The following PARN variants were observed in gnomAD, a reference collection of about 807,000 sequenced individuals.
PARN encodes poly(A)-specific ribonuclease.
A neutral mutation model predicts 102.8 loss-of-function variants in PARN; 71 were observed. The ratio of observed to expected loss-of-function variants is 0.69; its 90% CI spans 0.57 to 0.84. The LOEUF (loss-of-function observed/expected upper bound fraction) is 0.84, where lower values mean the gene tolerates loss of function less well. Among genes scored for constraint, PARN ranks in the 40% least tolerant of loss-of-function variants. The pLI, the probability that PARN is intolerant of heterozygous loss-of-function variation, is 0.00. For missense variants in PARN, 782 were observed against 760.9 expected, an observed-to-expected ratio of 1.03 and a Z score of -0.33; for synonymous variants, 261 against 252.9, an observed-to-expected ratio of 1.03 and a Z score of -0.30.
intron 21 of PARN, among the ~76,000 whole-genome samples, chr16:14,524,048 G>A (rs1173867243): frequency 2.6e-5 from 4 of 152,078 alleles, no homozygotes; most frequent in Admixed American, 1.3e-4. Flanking sequence ...GTAAAAATAT[G>A]GTATTACAAT....
chr16:14,626,973 C>G (rs949427768), intron 5 of PARN, 133 bp downstream of exon 5: 27 of 642,756 alleles, frequency 4.2e-5, no homozygotes, highest in Non-Finnish European at 6.9e-5. Context: ...ATTTATTACC[C>G]TAAAACTGAA....
In PARN at chr16:14,447,015, C is replaced by T. The variant is rs1961231832; in HGVS notation, c.1737G>A (p.Glu579=). ...CGGAAATCTCCCCTGACACTCCGTC[C>T]TCCAGGCCAGCTTCCTCTTGACTAG... ...LSPSQEEAGL[E]DGVSGEISDT... The change falls in exon 23 of 24, where the codon GAG becomes GAA. Residue 579 remains glutamate (E), a synonymous_variant. Coordinates refer to ENST00000437198, the MANE Select transcript of PARN (RefSeq NM_002582.4). The T allele has an allele frequency of 1.2e-6, 2 of 1,613,868 alleles. No individual in the cohort carries two copies. Among genetic ancestry groups the T allele is most frequent in the East Asian group, 2.2e-5 (1 of 44,884 alleles).
intron 21 of PARN, among the ~76,000 whole-genome samples, chr16:14,529,792 C>G (rs915521330): frequency 2.0e-5 from 3 of 152,146 alleles, no homozygotes. Flanking sequence ...GCATCCCCTT[C>G]CTGTTCCCCT....
chr16:14,525,156 C>G (rs1965930523), intron 21 of PARN, among the ~76,000 whole-genome samples: 2 of 152,090 alleles, frequency 1.3e-5, no homozygotes, highest in African/African-American at 4.8e-5. Flanking sequence ...AGAAAAAGAT[C>G]CGGATTAAGT....
chr16:14,563,714 T>TA (rs1454530770), intron 18 of PARN, among the ~76,000 whole-genome samples: 2 of 151,044 alleles, frequency 1.3e-5, no homozygotes, highest in Non-Finnish European at 2.9e-5. Flanking sequence ...TTTTTTTTTT[T>TA]AGTTATACAA....
At position 14,508,590 on chromosome 16, in the gene PARN, T is replaced by C. The variant is rs567760790; in HGVS notation, c.1481-25763A>G. On this transcript the variant is annotated intron_variant, in intron 21 of 23. Transcript: ENST00000437198. ...AGAGAGAATTTATAAAAACGAAACTTTAAAATAACTATAGGCTTAAGGCTA... is the reference window on the plus strand; with the variant it reads ...AGAGAGAATTTATAAAAACGAAACTCTAAAATAACTATAGGCTTAAGGCTA... Among the ~76,000 whole-genome samples, 8 of 151,876 alleles carry C rather than the reference T, an allele frequency of 5.3e-5. No individual in the cohort carries two copies. In the East Asian group the frequency reaches 1.5e-3, roughly 29 times the overall value.
chr16:14,529,946 G>A (rs1228603005), intron 21 of PARN, among the ~76,000 whole-genome samples: 1 of 151,816 alleles, frequency 6.6e-6, no homozygotes, highest in Non-Finnish European at 1.5e-5. Flanking sequence ...GCTGCAAGAG[G>A]CCTCTGAACT....
chr16:14,514,716 T>C (rs540840624), intron 21 of PARN, among the ~76,000 whole-genome samples: 5 of 152,348 alleles, frequency 3.3e-5, no homozygotes, highest in Admixed American at 2.6e-4. Flanking sequence ...ACTTTTTAGA[T>C]AGTTCACTAA....
chr16:14,617,057 T>C (rs1485781117), intron 6 of PARN, among the ~76,000 whole-genome samples: 2 of 150,480 alleles, frequency 1.3e-5, no homozygotes, highest in Admixed American at 6.6e-5. Flanking sequence ...CATGGCTGAT[T>C]ATGTTTTTTG....
intron 12 of PARN, among the ~76,000 whole-genome samples, chr16:14,597,311 C>T (rs1014120704): frequency 9.2e-5 from 14 of 152,154 alleles, no homozygotes; most frequent in African/African-American, 3.4e-4. Context: ...GTTAATTTAA[C>T]TATAATTTAA....
chr16:14,496,987 G>A (rs1018339695), intron 21 of PARN, among the ~76,000 whole-genome samples: 3 of 152,118 alleles, frequency 2.0e-5, no homozygotes, highest in African/African-American at 7.2e-5. Context: ...CTGGACTGCC[G>A]TGCACAGCCA....
At chr16:14,620,687 A>G (rs1972240105) in intron 5 of PARN, among the ~76,000 whole-genome samples, 1 of 152,168 alleles carries the variant, frequency 6.6e-6, no homozygotes, top group African/African-American at 2.4e-5. Context: ...CAGGTTTTCT[A>G]CAGTAATCAT....
In PARN at chr16:14,517,788, C is replaced by T. The variant is rs188960268; in HGVS notation, c.1480+34233G>A. Among the ~76,000 whole-genome samples, 630 of 152,236 alleles carry T rather than the reference C, an allele frequency of 4.1e-3. 7 individuals are homozygous for T. Among genetic ancestry groups the T allele is most frequent in the Non-Finnish European group, 4.6e-3 (315 of 68,014 alleles). Reference sequence around the variant, plus strand: ...CTACCTCCCAGGTTCAAGTGACTCTCGTACCTTGGCTTCCTGAGTAGCTGG... The same window carrying T: ...CTACCTCCCAGGTTCAAGTGACTCTTGTACCTTGGCTTCCTGAGTAGCTGG... On this transcript the variant is annotated intron_variant, in intron 21 of 23. Transcript: ENST00000437198.
chr16:14,609,768 T>C (rs1971407827), intron 7 of PARN, among the ~76,000 whole-genome samples: 1 of 152,224 alleles, frequency 6.6e-6, no homozygotes, highest in African/African-American at 2.4e-5. Flanking sequence ...TCACATCTGC[T>C]TGTCGGCACC....
chr16:14,544,832 C>T (rs970090759), intron 21 of PARN, among the ~76,000 whole-genome samples: 5 of 152,118 alleles, frequency 3.3e-5, no homozygotes, highest in Admixed American at 2.6e-4. Context: ...TCTACAATCA[C>T]AGGCGATTTT....
intron 18 of PARN, among the ~76,000 whole-genome samples, chr16:14,570,542 C>G (rs1423648998): frequency 6.7e-6 from 1 of 149,802 alleles, no homozygotes. Context: ...CTCAGCTACT[C>G]AAGAGGCTGA....
At chr16:14,498,195 C>T (rs1182383217) in intron 21 of PARN, among the ~76,000 whole-genome samples, 2 of 151,840 alleles carry the variant, frequency 1.3e-5, no homozygotes, top group Non-Finnish European at 2.9e-5. Context: ...AGTGAAACCC[C>T]GGAGGAGAGG....
At chr16:14,612,265 C>T (rs1314343403) in intron 6 of PARN, among the ~76,000 whole-genome samples, 9 of 151,840 alleles carry the variant, frequency 5.9e-5, no homozygotes, top group South Asian at 2.1e-4. Flanking sequence ...GGTGAAACCC[C>T]GTCTCTACTA....
At chr16:14,439,778 G>A (rs1960867811) in intron 23 of PARN, among the ~76,000 whole-genome samples, 1 of 152,230 alleles carries the variant, frequency 6.6e-6, no homozygotes, top group Non-Finnish European at 1.5e-5. Context: ...CACTTTGGGA[G>A]GCTGAGGCCG....
Sources: gnomAD v4.1 joint callset for allele counts (sites outside exome capture counted in the v4.1 genomes callset) on GRCh38, gnomAD v4.1.1 for gene constraint, MANE v1.5 for transcripts, NCBI Gene and HGNC (gene_info 2026-07-23, HGNC 2026-07-21) for gene names.